EXOC3L4: variants seen among roughly 807,000 people sequenced by gnomAD.
EXOC3L4 encodes the protein exocyst complex component 3-like protein 4.
A neutral mutation model predicts 69.7 loss-of-function variants in EXOC3L4; 62 were observed. That is an observed-to-expected ratio of 0.89 (90% confidence interval 0.72 to 1.10). The LOEUF is 1.10. Among genes scored for constraint, EXOC3L4 ranks in the 50% least tolerant of loss-of-function variants. The probability of loss-of-function intolerance (pLI) is 0.00; values close to 1 mark genes in which losing one functional copy is unlikely to be tolerated. For missense variants in EXOC3L4, 1,087 were observed against 1,034.8 expected (o/e 1.05, Z -0.69); for synonymous variants, 502 against 464.2 (o/e 1.08, Z -1.05).
chr14:103,099,312 G>A (rs1313201368), intron 1 of EXOC3L4, among the ~76,000 whole-genome samples: 2 of 152,178 alleles, frequency 1.3e-5, no homozygotes, highest in Admixed American at 6.5e-5. Flanking sequence ...AGGGGGTGTG[G>A]GTGGAGCCTG....
In EXOC3L4 at chr14:103,102,120, G is replaced by A. The variant is rs1175071875; in HGVS notation, c.397G>A (p.Gly133Ser). 6.2e-7 allele frequency: 1 copy of A among 1,601,980 alleles called. No homozygotes were observed. Among genetic ancestry groups the A allele is most frequent in the African/African-American group, 1.3e-5 (1 of 74,590 alleles). Reference protein sequence around the residue: ...ASEELKPEAEGKSVADLITER... With the variant: ...ASEELKPEAESKSVADLITER... ...GCCCTTCTCGCCCGCCTGTGCAGAA[G>A]GCAAATCCGTGGCCGACCTCATTAC... The change falls in exon 3 of 12, where the codon GGC (glycine) becomes AGC (serine). Residue 133 changes from glycine to serine, a missense_variant and splice_region_variant. Coordinates refer to ENST00000688303, the MANE Select transcript of EXOC3L4 (RefSeq NM_001077594.2).
intron 4 of EXOC3L4, 56 bp from the exon 5 acceptor site, chr14:103,104,211 C>A: frequency 6.7e-7 from 1 of 1,485,820 alleles, no homozygotes; most frequent in Non-Finnish European, 9.0e-7. Context: ...TCATCCCGGA[C>A]GGCGCGGGAC....
chr14:103,110,242 G>T lies in EXOC3L4; in HGVS notation c.*19G>T. 1 of 1,496,866 alleles carries T rather than the reference G, an allele frequency of 6.7e-7. No homozygotes were observed. Among genetic ancestry groups the T allele is most frequent in the South Asian group, 1.3e-5 (1 of 76,814 alleles). 92.7% of individuals were successfully genotyped at this position (1,496,866 alleles called of 1,614,324 possible). On this transcript the variant is annotated 3_prime_UTR_variant, in exon 12 of 12. Coordinates refer to ENST00000688303, the MANE Select transcript of EXOC3L4 (RefSeq NM_001077594.2). The stretch of plus-strand genomic sequence containing the variant: ...CGTCTAGTTCTCTCTGGCTCGAGGG[G>T]GGGCCGGCCGCTGGCAGGGAGCTGT...
intron 2 of EXOC3L4, among the ~76,000 whole-genome samples, chr14:103,101,560 T>C (rs1890186282): frequency 6.6e-6 from 1 of 152,248 alleles, no homozygotes; most frequent in East Asian, 1.9e-4. Flanking sequence ...ACTAGGGCCA[T>C]GCACACAGCT....
In EXOC3L4 at chr14:103,106,845, G is replaced by C. The variant is rs763187705; in HGVS notation, c.1527G>C (p.Thr509=). 6 of 1,595,254 alleles carry C rather than the reference G, an allele frequency of 3.8e-6. No individual in the cohort carries two copies. The African/African-American group carries it at 6.7e-5, about 18-fold the overall frequency. The change falls in exon 8 of 12, where the codon ACG becomes ACC. Residue 509 remains threonine (T), a synonymous_variant. Transcript: ENST00000688303. ...TQEELEKPLV[T]ATCSFQKHLL... is the part of the protein sequence containing the mutation. Reference sequence around the variant, plus strand: ...AGGAGCTGGAGAAGCCCCTGGTGACGGCCACCTGCAGCTTCCAGAAGCACT... The same window carrying C: ...AGGAGCTGGAGAAGCCCCTGGTGACCGCCACCTGCAGCTTCCAGAAGCACT...
intron 7 of EXOC3L4, among the ~76,000 whole-genome samples, chr14:103,105,335 T>TGCGTGTTTG (rs1340576027): frequency 4.0e-5 from 6 of 150,956 alleles, no homozygotes; most frequent in African/African-American, 1.5e-4. Flanking sequence ...GCTGTGTGTG[T>TGCGTGTTTG]GCGTGTTTGG....
chr14:103,101,995 TG>T, intron 2 of EXOC3L4, 122 bp from the exon 3 acceptor site: 1 of 1,047,488 alleles, frequency 9.5e-7, no homozygotes, highest in Non-Finnish European at 1.4e-6. Flanking sequence ...TCAGCTGTGC[TG>T]GGGCATCTGG....
At chr14:103,095,602 A>C (rs1429601990) in intron 1 of EXOC3L4, among the ~76,000 whole-genome samples, 2 of 152,200 alleles carry the variant, frequency 1.3e-5, no homozygotes, top group African/African-American at 4.8e-5. Context: ...GACTGAAGCC[A>C]GAGGGGTCAT....
rs768569878 is a variant in EXOC3L4, at chr14:103,107,544, G to T, written c.1701+1G>T. ...GCGTGTGGCCCGGCCGCGGGCACAG[G>T]TACCACAAGGGGGAGGGCCCTGGCA... On this transcript the variant is annotated splice_donor_variant, in intron 9 of 11. Transcript: ENST00000688303. LOFTEE classifies it high-confidence loss of function. 19 of 1,613,400 alleles carry T rather than the reference G, an allele frequency of 1.2e-5. No homozygotes were observed. The South Asian group carries it at 2.1e-4, about 18-fold the overall frequency.
rs1165737208 is a variant in EXOC3L4 at position 103,109,168 on chromosome 14, TC to T, written c.1976+656del. On this transcript the variant is annotated intron_variant, in intron 11 of 11. Transcript: ENST00000688303. ...CCCCTCCCTCCCTCTCCACCACCTG[TC>T]CCCCGGTCTCCCTCTCTCCCTCGCC... Among the ~76,000 whole-genome samples, 491 of 64,506 alleles carry T rather than the reference TC, an allele frequency of 7.6e-3. 12 individuals carry two copies. Among genetic ancestry groups the T allele is most frequent in the Middle Eastern group, 0.018 (2 of 114 alleles). The allele number at this position is 64,506 out of a possible 152,430, so 42.3% of individuals were successfully genotyped here. A position where few individuals can be genotyped will look rare whatever the true frequency, so the allele number is the denominator to read the frequency against.
At chr14:103,108,350 C>T (rs376532811) in intron 10 of EXOC3L4, 46 bp from the exon 11 acceptor site, 40 of 1,600,906 alleles carry the variant, frequency 2.5e-5, no homozygotes, top group Non-Finnish European at 3.3e-5. Flanking sequence ...GTTGGAGCAG[C>T]GGTGGGGAGA....
At chr14:103,108,258 C>CCCGGCA (rs1364826257) in intron 10 of EXOC3L4, 138 bp from the exon 11 acceptor site, 2 of 1,334,658 alleles carry the variant, frequency 1.5e-6, no homozygotes, top group African/African-American at 2.9e-5. Context: ...GGGAGGCAGT[C>CCCGGCA]CCGGCACCGA....
At chr14:103,099,024 G>C (rs1299252358) in intron 1 of EXOC3L4, 2 of 152,182 alleles carry the variant, frequency 1.3e-5, no homozygotes, top group Admixed American at 1.3e-4. Context: ...AGCAAACTGG[G>C]GCCTGGGGAG....
chr14:103,104,090 G>A (rs1216234167), intron 4 of EXOC3L4, 38 bp downstream of exon 4: 2 of 1,506,382 alleles, frequency 1.3e-6, no homozygotes, highest in East Asian at 5.0e-5. Context: ...GGCCAGGCTG[G>A]AGGGGGCGGG....
At position 103,108,488 on chromosome 14, in the gene EXOC3L4, G is replaced by C; in HGVS notation, c.1947G>C (p.Glu649Asp). 1 of 1,613,934 alleles carries C rather than the reference G, an allele frequency of 6.2e-7. No homozygotes were observed. The highest frequency in any genetic ancestry group is 1.1e-5 in the South Asian group (1 of 91,082). Residue 649 changes from glutamate (E) to aspartate (D), a missense_variant, in exon 11 of 12, where the codon GAG becomes GAC. By Grantham distance (45) the Glu-to-Asp change is conservative (BLOSUM62 2). Transcript: ENST00000688303. ...TYKDDIQRHL[E>D]TLIRSYPDIR... ...AAGATGACATCCAGCGGCACCTGGAGACTCTTATCCGGAGCTACCCCGACA... is the reference window on the plus strand; with the variant it reads ...AAGATGACATCCAGCGGCACCTGGACACTCTTATCCGGAGCTACCCCGACA...
chr14:103,107,792 G>A lies in EXOC3L4; in HGVS notation c.1854+9G>A, dbSNP rs746770110. The stretch of plus-strand genomic sequence containing the variant: ...ACACCTTCCAGGGCCTGGTAGGGGC[G>A]GCATGACTGCCCTTCGGTGCTCGCC... On this transcript the variant is annotated intron_variant, in intron 10 of 11. Transcript: ENST00000688303. The A allele has an allele frequency of 7.3e-6, 11 of 1,506,416 alleles. No homozygotes were observed. Among genetic ancestry groups the A allele is most frequent in the South Asian group, 2.5e-5 (2 of 78,854 alleles). 93.3% of individuals were successfully genotyped at this position (1,506,416 alleles called of 1,614,324 possible).
At chr14:103,108,367 T>C (rs1890699943) in intron 10 of EXOC3L4, 29 bp from the exon 11 acceptor site, 2 of 1,609,472 alleles carry the variant, frequency 1.2e-6, no homozygotes, top group Non-Finnish European at 1.7e-6. Flanking sequence ...GAGAGGGCTG[T>C]TGGGGCAGGC....
chr14:103,108,022 GC>G (rs1258804014), intron 10 of EXOC3L4, among the ~76,000 whole-genome samples: 7 of 152,184 alleles, frequency 4.6e-5, no homozygotes, highest in African/African-American at 1.7e-4. Flanking sequence ...GAGGGTCACA[GC>G]CCCATCTCAC....
chr14:103,110,086 C>T lies in EXOC3L4; in HGVS notation c.2032C>T (p.Gln678Ter). Residue 678 changes from glutamine (Q) to a stop codon, truncating the protein, a stop_gained, in exon 12 of 12, where the codon CAG (glutamine) becomes TAG (stop). Coordinates refer to ENST00000688303, the MANE Select transcript of EXOC3L4 (RefSeq NM_001077594.2). LOFTEE classifies it low-confidence loss of function (END_TRUNC). ...ALRRLGRQRNQHLLQHTQDLL... is the reference protein window; with the variant it reads ...ALRRLGRQRN ...GCGCCGACTGGGCCGCCAGCGGAAC[C>T]AGCATCTCTTGCAGCACACTCAAGA... 6.3e-7 allele frequency: 1 copy of T among 1,598,042 alleles called. No homozygotes were observed. Among genetic ancestry groups the T allele is most frequent in the Non-Finnish European group, 8.5e-7 (1 of 1,173,050 alleles).
Sources: gnomAD v4.1 joint callset for allele counts (sites outside exome capture counted in the v4.1 genomes callset) on GRCh38, gnomAD v4.1.1 for gene constraint, MANE v1.5 for transcripts, NCBI Gene and HGNC (gene_info 2026-07-23, HGNC 2026-07-21) for gene names.